The following MACROD2 variants were observed in gnomAD, a reference collection of about 807,000 sequenced individuals.
MACROD2 encodes ADP-ribose glycohydrolase MACROD2.
Under a neutral mutation model 70.4 loss-of-function variants are expected in MACROD2, and 36 were observed. The ratio of observed to expected loss-of-function variants is 0.51; its 90% CI spans 0.39 to 0.68. MACROD2 has a LOEUF of 0.68. MACROD2 is among the 30% of genes least tolerant of loss of function. The pLI is 0.00. For missense variants in MACROD2, 496 were observed against 538.4 expected, an observed-to-expected ratio of 0.92 and a Z score of 0.78; for synonymous variants, 172 against 178.8, an observed-to-expected ratio of 0.96 and a Z score of 0.30.
At chr20:14,685,734 C>A (rs1192869710) in intron 5 of MACROD2, among the ~76,000 whole-genome samples, 3 of 152,136 alleles carry the variant, frequency 2.0e-5, no homozygotes, top group African/African-American at 7.2e-5. Context: ...GAAATTGAGA[C>A]ACCAATTTGT....
intron 5 of MACROD2, among the ~76,000 whole-genome samples, chr20:14,704,198 C>T (rs1258759157): frequency 6.6e-6 from 1 of 152,168 alleles, no homozygotes; most frequent in Non-Finnish European, 1.5e-5. Context: ...ATTAATACCT[C>T]TCCTCAGCAT....
At position 14,906,419 on chromosome 20, in the gene MACROD2, G is replaced by A. The variant is rs150999133; in HGVS notation, c.418+221460G>A. 4.6e-3 allele frequency among the ~76,000 whole-genome samples: 698 copies of A among 152,216 alleles called. 8 individuals are homozygous for A. The highest frequency in any genetic ancestry group is 0.015 in the African/African-American group (643 of 41,544). On this transcript the variant is annotated intron_variant, in intron 5 of 17. Transcript: ENST00000684519. ...TGAGGCAGGAGAATCGCTTGAACCC[G>A]GGAGGCAGAGGTTGCAATGAGCTGA...
chr20:14,764,958 G>A (rs1348542730), intron 5 of MACROD2, among the ~76,000 whole-genome samples: 2 of 152,072 alleles, frequency 1.3e-5, no homozygotes, highest in African/African-American at 4.8e-5. Context: ...GCTTGGCAGA[G>A]TTCCCAAGAC....
At chr20:14,352,865 T>C (rs570423158) in intron 3 of MACROD2, among the ~76,000 whole-genome samples, 5 of 152,154 alleles carry the variant, frequency 3.3e-5, no homozygotes, top group Non-Finnish European at 5.9e-5. Flanking sequence ...AGGTTAACAT[T>C]TGAATATTTT....
intron 8 of MACROD2, among the ~76,000 whole-genome samples, chr20:15,788,316 A>G (rs1235747203): frequency 6.6e-6 from 1 of 152,210 alleles, no homozygotes; most frequent in Non-Finnish European, 1.5e-5. Context: ...AAGGGTAACT[A>G]AATTTCCAGA....
intron 4 of MACROD2, among the ~76,000 whole-genome samples, chr20:14,672,835 T>C (rs1277824760): frequency 1.3e-5 from 2 of 152,232 alleles, no homozygotes; most frequent in Admixed American, 6.5e-5. Context: ...TGTATGTGTA[T>C]GTTTGCTTAT....
At chr20:15,655,623 A>G (rs1365309559) in intron 8 of MACROD2, among the ~76,000 whole-genome samples, 2 of 152,222 alleles carry the variant, frequency 1.3e-5, no homozygotes, top group African/African-American at 4.8e-5. Flanking sequence ...GAAAAAATGT[A>G]TATAGGAAAA....
At chr20:14,192,282 C>T (rs149138358) in intron 3 of MACROD2, among the ~76,000 whole-genome samples, 4 of 152,064 alleles carry the variant, frequency 2.6e-5, no homozygotes, top group South Asian at 2.1e-4. Context: ...TCTTGAGGCT[C>T]AGTTTTATCT....
chr20:14,423,311 G>GT (rs1313514446), intron 3 of MACROD2, among the ~76,000 whole-genome samples: 1 of 151,250 alleles, frequency 6.6e-6, no homozygotes, highest in Non-Finnish European at 1.5e-5. Context: ...AAACTTTTGA[G>GT]TTTTTTTCAC....
chr20:15,914,838 A>C (rs940645330), intron 10 of MACROD2, among the ~76,000 whole-genome samples: 1 of 152,210 alleles, frequency 6.6e-6, no homozygotes, highest in Admixed American at 6.5e-5. Context: ...ACAAAGTCAT[A>C]AAGTTGAGGG....
intron 8 of MACROD2, among the ~76,000 whole-genome samples, chr20:15,635,567 T>C (rs2049350439): frequency 6.6e-6 from 1 of 151,756 alleles, no homozygotes; most frequent in Non-Finnish European, 1.5e-5. Context: ...GATGCAACAA[T>C]AGACATTGAG....
chr20:14,529,306 A>G (rs1160190465), intron 4 of MACROD2, among the ~76,000 whole-genome samples: 1 of 152,256 alleles, frequency 6.6e-6, no homozygotes, highest in African/African-American at 2.4e-5. Context: ...TTAGTTAATA[A>G]CAATAAATAT....
At chr20:14,841,532 A>AT (rs1422662322) in intron 5 of MACROD2, among the ~76,000 whole-genome samples, 1 of 151,686 alleles carries the variant, frequency 6.6e-6, no homozygotes, top group Non-Finnish European at 1.5e-5. Context: ...TTCAGGAAAA[A>AT]AAAAAGAATA....
intron 8 of MACROD2, among the ~76,000 whole-genome samples, chr20:15,518,174 G>A (rs947040227): frequency 2.6e-5 from 4 of 152,246 alleles, no homozygotes; most frequent in Non-Finnish European, 4.4e-5. Context: ...CACAGTTTGA[G>A]ATGTCTGAAT....
At chr20:15,722,802 ACT>A (rs2050805508) in intron 8 of MACROD2, among the ~76,000 whole-genome samples, 1 of 152,096 alleles carries the variant, frequency 6.6e-6, no homozygotes, top group African/African-American at 2.4e-5. Context: ...GAATTTCATA[ACT>A]CTGAAGTCAT....
At chr20:14,183,540 AT>A (rs144089469) in intron 3 of MACROD2, among the ~76,000 whole-genome samples, 2,061 of 152,254 alleles carry the variant, frequency 0.014, 20 homozygotes, top group South Asian at 0.036. Flanking sequence ...TTTGGGGTAT[AT>A]ACCCAGTACT....
In MACROD2 at chr20:15,745,382, T is replaced by A. The variant is rs370044881; in HGVS notation, c.646-117363T>A. 9.5e-4 allele frequency among the ~76,000 whole-genome samples: 144 copies of A among 152,304 alleles called. 4 individuals carry two copies. The South Asian group carries it at 0.029, about 31-fold the overall frequency. ...CTCTGAAGCCAAGCATTTTTCTGGA[T>A]GACTTTAGGCATCTGGATTTCATTC... On this transcript the variant is annotated intron_variant, in intron 8 of 17. Transcript: ENST00000684519.
At chr20:15,391,011 C>T (rs2045785491) in intron 6 of MACROD2, among the ~76,000 whole-genome samples, 1 of 151,900 alleles carries the variant, frequency 6.6e-6, no homozygotes, top group Non-Finnish European at 1.5e-5. Flanking sequence ...GGGGGTTCAA[C>T]AGCACCTCAC....
At chr20:14,994,477 A>G (rs529209154) in intron 5 of MACROD2, among the ~76,000 whole-genome samples, 32 of 152,256 alleles carry the variant, frequency 2.1e-4, no homozygotes, top group African/African-American at 6.7e-4. Flanking sequence ...AGCAGGTTGA[A>G]GAGTAGGGGA....
Sources: gnomAD v4.1 joint callset for allele counts (sites outside exome capture counted in the v4.1 genomes callset) on GRCh38, gnomAD v4.1.1 for gene constraint, MANE v1.5 for transcripts, NCBI Gene and HGNC (gene_info 2026-07-23, HGNC 2026-07-21) for gene names.